The following FGD5 variants were observed in gnomAD, a reference collection of about 807,000 sequenced individuals.
The protein encoded by FGD5 is FYVE, RhoGEF and PH domain-containing protein 5.
FGD5 carries 28 observed loss-of-function variants against 133.4 expected under a neutral mutation model. That is an observed-to-expected ratio of 0.21 (90% CI 0.16 to 0.29). The LOEUF is 0.29. Ranked by LOEUF, FGD5 falls within the 10% of genes least tolerant of loss-of-function variation. FGD5 has a pLI of 1.00. For missense variants in FGD5, 1,858 were observed against 1,895.2 expected (o/e 0.98, Z 0.36); for synonymous variants, 810 against 776.5 (o/e 1.04, Z -0.72).
rs747516630 is a variant in FGD5, at chr3:14,917,224, T to C, written c.3406-25T>C. ...GCGCAGCCTTCTGGGGCCAGGGTCC[T>C]CTCATAGGGTTTCCCTCTCTCCAGA... On this transcript the variant is annotated intron_variant, in intron 11 of 19. Transcript: ENST00000285046. The surrounding 1 kb of genome is among the most constrained non-coding windows in gnomAD (Gnocchi z 4.1). 13 of 1,606,230 alleles carry C rather than the reference T, an allele frequency of 8.1e-6. No homozygotes were observed. The South Asian group carries it at 1.3e-4, about 17-fold the overall frequency.
intron 4 of FGD5, among the ~76,000 whole-genome samples, chr3:14,893,343 A>G (rs1346690510): frequency 2.6e-5 from 4 of 151,898 alleles, no homozygotes; most frequent in Admixed American, 6.6e-5. Flanking sequence ...TATTTTATTT[A>G]TTTATTTATT....
upstream of FGD5, among the ~76,000 whole-genome samples, chr3:14,817,728 C>G (rs1347920494): frequency 2.0e-5 from 3 of 152,182 alleles, no homozygotes; most frequent in Non-Finnish European, 2.9e-5. Flanking sequence ...TTTGAGGCCA[C>G]TTGTGTCATA....
At chr3:14,823,612 A>C (rs574241515) in intron 1 of FGD5, among the ~76,000 whole-genome samples, 2 of 152,360 alleles carry the variant, frequency 1.3e-5, no homozygotes, top group East Asian at 3.9e-4. Flanking sequence ...CACTTGCGTA[A>C]GATCTCTCAG....
chr3:14,877,427 G>C (rs2037741438), intron 2 of FGD5, among the ~76,000 whole-genome samples: 1 of 152,206 alleles, frequency 6.6e-6, no homozygotes, highest in Non-Finnish European at 1.5e-5. Context: ...ACAGCTTGGA[G>C]ATTGTAACAG....
At chr3:14,849,463 A>C (rs2037118180) in intron 1 of FGD5, among the ~76,000 whole-genome samples, 2 of 152,116 alleles carry the variant, frequency 1.3e-5, no homozygotes, top group Admixed American at 6.6e-5. Context: ...AGGTTGATGG[A>C]AGGGGAATAT....
rs184861246 is a variant in FGD5, at chr3:14,839,712, C to G, written c.2525+18116C>G. Among the ~76,000 whole-genome samples the G allele has an allele frequency of 1.7e-3, 252 of 152,234 alleles. 3 individuals are homozygous for G. In the East Asian group the frequency reaches 0.024, roughly 15 times the overall value. On this transcript the variant is annotated intron_variant, in intron 1 of 19. Coordinates refer to ENST00000285046, the MANE Select transcript of FGD5 (RefSeq NM_152536.4). Reference sequence around the variant, plus strand: ...CTTTGGGAGGCCGAGGCGGGTGGATCACGAGGTCAGGAGATCGAGACCATC... The same window carrying G: ...CTTTGGGAGGCCGAGGCGGGTGGATGACGAGGTCAGGAGATCGAGACCATC...
intron 1 of FGD5, among the ~76,000 whole-genome samples, chr3:14,857,322 T>C (rs921310628): frequency 2.6e-5 from 4 of 152,124 alleles, no homozygotes; most frequent in African/African-American, 9.7e-5. Context: ...TACATTCAGC[T>C]AATTTTTTTT....
In FGD5 at chr3:14,898,838, A is replaced by C. The variant is rs1454207025; in HGVS notation, c.3154+12A>C. The C allele has an allele frequency of 6.4e-7, 1 of 1,568,560 alleles. No individual in the cohort carries two copies. The highest frequency in any genetic ancestry group is 1.9e-5 in the Admixed American group (1 of 53,158). ...AGTGCTCCTCACAGGTGGGCCCCAC[A>C]GGAGATCAATGGGGACTGAGGCGGC... On this transcript the variant is annotated intron_variant, in intron 7 of 19. Coordinates refer to ENST00000285046, the MANE Select transcript of FGD5 (RefSeq NM_152536.4).
At chr3:14,833,926 G>A (rs2125079443) in intron 1 of FGD5, among the ~76,000 whole-genome samples, 1 of 152,252 alleles carries the variant, frequency 6.6e-6, no homozygotes, top group East Asian at 1.9e-4. Flanking sequence ...TGGCCAGGTA[G>A]AAGGGGTGGG....
chr3:14,851,924 TAA>T lies in FGD5; in HGVS notation c.2526-12193_2526-12192del, dbSNP rs60893439. 3.7e-4 allele frequency among the ~76,000 whole-genome samples: 54 copies of T among 146,686 alleles called. No individual in the cohort carries two copies. The East Asian group carries it at 5.1e-3, about 14-fold the overall frequency. ...TTCAAACCCACTAGGATGGCTAAGA[TAA>T]AAAAAAAAAAGGCAGACAATAACAA... On this transcript the variant is annotated intron_variant, in intron 1 of 19. Transcript: ENST00000285046.
chr3:14,817,372 T>C (rs1205919146), upstream of FGD5, among the ~76,000 whole-genome samples: 1 of 152,062 alleles, frequency 6.6e-6, no homozygotes, highest in African/African-American at 2.4e-5. Flanking sequence ...ATTTTTGTGT[T>C]TTTAGTAGAG....
chr3:14,860,446 T>A (rs1446072830), intron 1 of FGD5, among the ~76,000 whole-genome samples: 1 of 152,190 alleles, frequency 6.6e-6, no homozygotes, highest in African/African-American at 2.4e-5. Context: ...TCAGAGCACC[T>A]GAACCTTTGC....
chr3:14,924,090 C>T lies in FGD5; in HGVS notation c.4020C>T (p.Asn1340=), dbSNP rs769762332. The change falls in exon 17 of 20, where the codon AAC becomes AAT. Residue 1340 remains asparagine (N), a synonymous_variant. Coordinates refer to ENST00000285046, the MANE Select transcript of FGD5 (RefSeq NM_152536.4). Reference sequence around the variant, plus strand: ...TTTCATCCGTCTTCCAGAGCATTAACCCCTCGACCTTCAAGAAGCAGAAGA... The same window carrying T: ...TTTCATCCGTCTTCCAGAGCATTAATCCCTCGACCTTCAAGAAGCAGAAGA... The part of the protein sequence containing the change: ...SAFSSVFQSI[N]PSTFKKQKKV... 7.4e-6 allele frequency: 12 copies of T among 1,614,032 alleles called. No homozygotes were observed. The highest frequency in any genetic ancestry group is 1.0e-5 in the Non-Finnish European group (12 of 1,179,894).
intron 4 of FGD5, among the ~76,000 whole-genome samples, chr3:14,892,921 G>C (rs1263449122): frequency 6.6e-6 from 1 of 152,188 alleles, no homozygotes; most frequent in Non-Finnish European, 1.5e-5. Flanking sequence ...AATCCAACAA[G>C]GTAGAGGAAT....
Position 14,934,430 on chromosome 3 carries a change from AG to A in FGD5, c.*1266del, listed in dbSNP as rs1450626757. ...GTTGCTGCCCTGTCCCCTACAAAAA[AG>A]GGAATTTGCTGACAAACTTTTTGTA... On this transcript the variant is annotated 3_prime_UTR_variant, in exon 20 of 20. Coordinates refer to ENST00000285046, the MANE Select transcript of FGD5 (RefSeq NM_152536.4). 6.6e-6 allele frequency: 1 copy of A among 152,248 alleles called. No homozygotes were observed. Among genetic ancestry groups the A allele is most frequent in the Non-Finnish European group, 1.5e-5 (1 of 68,040 alleles). 9.4% of individuals were successfully genotyped at this position (152,248 alleles called of 1,614,324 possible).
intron 1 of FGD5, among the ~76,000 whole-genome samples, chr3:14,853,908 G>A (rs2037219568): frequency 6.7e-6 from 1 of 148,322 alleles, no homozygotes; most frequent in African/African-American, 2.5e-5. Context: ...CCTCTGAGCA[G>A]CTTTAATTGA....
intron 2 of FGD5, among the ~76,000 whole-genome samples, chr3:14,879,709 C>T (rs1040012692): frequency 4.6e-5 from 7 of 152,104 alleles, no homozygotes; most frequent in Non-Finnish European, 8.8e-5. Context: ...TGATAAGTGT[C>T]GTGAGAGGGG....
intron 1 of FGD5, among the ~76,000 whole-genome samples, chr3:14,839,687 C>T (rs1336512016): frequency 3.3e-5 from 5 of 152,156 alleles, no homozygotes; most frequent in Admixed American, 3.3e-4. Context: ...AATCCCAGCA[C>T]TTTGGGAGGC....
chr3:14,877,348 C>G (rs1012038109), intron 2 of FGD5, among the ~76,000 whole-genome samples: 1 of 152,230 alleles, frequency 6.6e-6, no homozygotes, highest in Non-Finnish European at 1.5e-5. Context: ...ATCTGCACGT[C>G]TGGCAGGAGG....
Sources: allele counts gnomAD v4.1 joint callset (sites outside exome capture counted in the v4.1 genomes callset), GRCh38; gene constraint gnomAD v4.1.1; non-coding constraint Gnocchi (gnomAD v3.1); transcripts MANE v1.5; gene names NCBI Gene and HGNC (gene_info 2026-07-23, HGNC 2026-07-21).